CRTAM: variants seen among roughly 807,000 people sequenced by gnomAD.
The protein encoded by CRTAM is cytotoxic and regulatory T-cell molecule.
In CRTAM, 44 loss-of-function variants were observed where a neutral mutation model predicts 50.0. The ratio of observed to expected loss-of-function variants is 0.88; its 90% CI spans 0.69 to 1.13. The LOEUF (loss-of-function observed/expected upper bound fraction) is 1.13, where lower values mean the gene tolerates loss of function less well. Ranked by LOEUF, CRTAM falls within the 50% of genes most tolerant of loss-of-function variation. CRTAM has a pLI of 0.00. For synonymous variants in CRTAM, 159 were observed against 169.3 expected, an observed-to-expected ratio of 0.94 and a Z score of 0.47; for missense variants, 448 against 457.5, an observed-to-expected ratio of 0.98 and a Z score of 0.19.
intron 1 of CRTAM, among the ~76,000 whole-genome samples, chr11:122,846,009 G>C (rs1419584990): frequency 6.6e-6 from 1 of 151,794 alleles, no homozygotes; most frequent in African/African-American, 2.4e-5. Context: ...TACAGCTAAA[G>C]AGAAAAAAAA....
chr11:122,854,117 C>T (rs779664916), intron 4 of CRTAM, 31 bp downstream of exon 4: 1 of 1,595,668 alleles, frequency 6.3e-7, no homozygotes, highest in Non-Finnish European at 8.5e-7. Flanking sequence ...CTTTGTCTTC[C>T]TTCCTACTCA....
chr11:122,842,734 T>C (rs1861814313), intron 1 of CRTAM, among the ~76,000 whole-genome samples: 1 of 152,190 alleles, frequency 6.6e-6, no homozygotes, highest in Non-Finnish European at 1.5e-5. Context: ...GAGGACTAAA[T>C]TGATTAAAGG....
rs116058389 is a variant in CRTAM, at chr11:122,855,046, C to T, written c.491-649C>T. 9.7e-3 allele frequency among the ~76,000 whole-genome samples: 1,470 copies of T among 152,194 alleles called. 25 individuals are homozygous for T. The highest frequency in any genetic ancestry group is 0.033 in the African/African-American group (1,376 of 41,508). On this transcript the variant is annotated intron_variant, in intron 4 of 9. Coordinates refer to ENST00000227348, the MANE Select transcript of CRTAM (RefSeq NM_019604.4). ...GCAACCTCTGCCTCCTGGGTTGAAA[C>T]GATTCTTCTACCTCAGCTTCTGGAG...
intron 1 of CRTAM, among the ~76,000 whole-genome samples, chr11:122,839,107 T>C (rs529704141): frequency 6.6e-6 from 1 of 152,120 alleles, no homozygotes; most frequent in Non-Finnish European, 1.5e-5. Flanking sequence ...AATTTTTTTA[T>C]ATTTTTAGTA....
Position 122,868,094 on chromosome 11 carries a change from G to A in CRTAM, c.1046G>A (p.Gly349Asp), listed in dbSNP as rs774353169. ...NEETSSEEKN[G>D]QSSHPMRCMN... ...GAAACATCATCTGAAGAGAAAAATG[G>A]CCAATGTAAGTCAACTGTATGACCT... Residue 349 changes from glycine (G) to aspartate (D), a missense_variant, in exon 9 of 10, where the codon GGC (glycine) becomes GAC (aspartate). Physicochemically the swap from Gly to Asp is moderately conservative, Grantham distance 94. Transcript: ENST00000227348. 2 of 1,596,558 alleles carry A rather than the reference G, an allele frequency of 1.3e-6. No individual in the cohort carries two copies. The highest frequency in any genetic ancestry group is 1.7e-6 in the Non-Finnish European group (2 of 1,164,364).
intron 5 of CRTAM, 143 bp downstream of exon 5, chr11:122,855,999 G>A: frequency 1.6e-6 from 1 of 636,078 alleles, no homozygotes; most frequent in South Asian, 2.5e-5. Flanking sequence ...TTCCTGTACT[G>A]ATTGAAATTT....
chr11:122,843,495 G>A (rs1368779926), intron 1 of CRTAM, among the ~76,000 whole-genome samples: 1 of 152,170 alleles, frequency 6.6e-6, no homozygotes, highest in Non-Finnish European at 1.5e-5. Flanking sequence ...TCAGCATGTG[G>A]GGAGCCGTGC....
At chr11:122,842,944 T>C (rs145234563) in intron 1 of CRTAM, among the ~76,000 whole-genome samples, 1 of 152,310 alleles carries the variant, frequency 6.6e-6, no homozygotes, top group African/African-American at 2.4e-5. Context: ...AGGACAGGCT[T>C]GCTCTGCTCT....
At chr11:122,867,332 A>C in intron 7 of CRTAM, 77 bp from the exon 8 acceptor site, 2 of 1,259,338 alleles carry the variant, frequency 1.6e-6, no homozygotes, top group Non-Finnish European at 2.2e-6. Flanking sequence ...TTGTAGAAGT[A>C]TTGTTACATA....
At chr11:122,846,566 G>T (rs1861866383) in intron 1 of CRTAM, among the ~76,000 whole-genome samples, 1 of 152,126 alleles carries the variant, frequency 6.6e-6, no homozygotes, top group African/African-American at 2.4e-5. Flanking sequence ...TGGAATACAG[G>T]AGTGAGCCAC....
intron 6 of CRTAM, among the ~76,000 whole-genome samples, chr11:122,863,284 GAA>G (rs1266535966): frequency 6.8e-5 from 8 of 117,772 alleles, no homozygotes; most frequent in East Asian, 2.4e-4. Context: ...AAGAAAGAAA[GAA>G]AAAGAAAGAA....
At chr11:122,856,549 T>G (rs1401510578) in intron 5 of CRTAM, among the ~76,000 whole-genome samples, 1 of 152,246 alleles carries the variant, frequency 6.6e-6, no homozygotes, top group Non-Finnish European at 1.5e-5. Context: ...GACTCTGAGT[T>G]TCACTGTTTT....
intron 2 of CRTAM, 142 bp downstream of exon 2, chr11:122,850,356 C>A: frequency 1.4e-6 from 1 of 731,810 alleles, no homozygotes; most frequent in Non-Finnish European, 2.1e-6. Context: ...ATGAATCACG[C>A]CTCCAAATCC....
chr11:122,838,770 T>C (rs184237433), intron 1 of CRTAM, among the ~76,000 whole-genome samples, 178 bp downstream of exon 1: 7 of 152,258 alleles, frequency 4.6e-5, no homozygotes, highest in South Asian at 4.2e-4. Flanking sequence ...CTGCGTTTAT[T>C]TGATCTCTCG....
At chr11:122,840,986 T>C (rs1861790490) in intron 1 of CRTAM, among the ~76,000 whole-genome samples, 1 of 152,196 alleles carries the variant, frequency 6.6e-6, no homozygotes, top group Non-Finnish European at 1.5e-5. Flanking sequence ...TCTGTTTTCA[T>C]TGTTTTGTGG....
rs1210796815 is a variant in CRTAM at position 122,851,687 on chromosome 11, G to A, written c.194-6G>A. ...CTCATAACAGCTCTATTTCCCTCTTGTACAGCTTTAAAAAATTCCAAATAC... is the reference window on the plus strand; with the variant it reads ...CTCATAACAGCTCTATTTCCCTCTTATACAGCTTTAAAAAATTCCAAATAC... On this transcript the variant is annotated splice_polypyrimidine_tract_variant and splice_region_variant and intron_variant, in intron 2 of 9. Coordinates refer to ENST00000227348, the MANE Select transcript of CRTAM (RefSeq NM_019604.4). 1 of 1,613,818 alleles carries A rather than the reference G, an allele frequency of 6.2e-7. No individual in the cohort carries two copies.
chr11:122,853,661 T>C (rs1292861909), intron 3 of CRTAM, among the ~76,000 whole-genome samples: 2 of 151,514 alleles, frequency 1.3e-5, no homozygotes, highest in Admixed American at 6.6e-5. Context: ...GCACTAAAAA[T>C]ACAAAAATTA....
intron 9 of CRTAM, among the ~76,000 whole-genome samples, chr11:122,870,314 C>A (rs756208597): frequency 6.6e-6 from 1 of 152,152 alleles, no homozygotes; most frequent in Non-Finnish European, 1.5e-5. Context: ...CTCCTGGACT[C>A]AAGTGATCCA....
intron 1 of CRTAM, among the ~76,000 whole-genome samples, chr11:122,840,090 A>G (rs918685701): frequency 1.3e-5 from 2 of 152,204 alleles, no homozygotes; most frequent in African/African-American, 4.8e-5. Flanking sequence ...TAACTTTTTC[A>G]GGCTTTGAGT....
Sources: gnomAD v4.1 joint callset for allele counts (sites outside exome capture counted in the v4.1 genomes callset) on GRCh38, gnomAD v4.1.1 for gene constraint, MANE v1.5 for transcripts, NCBI Gene and HGNC (gene_info 2026-07-23, HGNC 2026-07-21) for gene names.